SCFD2: variants seen among roughly 807,000 people sequenced by gnomAD.
SCFD2 encodes sec1 family domain-containing protein 2.
SCFD2 carries 54 observed loss-of-function variants against 58.9 expected under a neutral mutation model. That is an observed-to-expected ratio of 0.92 (90% confidence interval 0.74 to 1.15). SCFD2 has a LOEUF of 1.15. Ranked by LOEUF, SCFD2 falls within the 50% of genes most tolerant of loss-of-function variation. SCFD2 has a pLI of 0.00. For synonymous variants in SCFD2, 321 were observed against 335.9 expected (o/e 0.96, Z 0.49); for missense variants, 805 against 836.6 (o/e 0.96, Z 0.47).
chr4:53,201,684 C>G (rs1369301376), intron 4 of SCFD2, among the ~76,000 whole-genome samples: 1 of 152,176 alleles, frequency 6.6e-6, no homozygotes, highest in Non-Finnish European at 1.5e-5. Context: ...TCTCCAGCAC[C>G]TGTTGTTTCC....
intron 5 of SCFD2, among the ~76,000 whole-genome samples, chr4:53,069,806 T>C (rs533313030): frequency 6.6e-6 from 1 of 152,190 alleles, no homozygotes; most frequent in South Asian, 2.1e-4. Flanking sequence ...GTGTGTATTG[T>C]TAGAGATTGT....
At chr4:53,149,209 A>G (rs1027213837) in intron 4 of SCFD2, among the ~76,000 whole-genome samples, 2 of 152,210 alleles carry the variant, frequency 1.3e-5, no homozygotes, top group African/African-American at 4.8e-5. Flanking sequence ...CAATAAAAGG[A>G]AACAGGAATC....
chr4:53,285,955 G>A (rs1005398624), intron 3 of SCFD2, among the ~76,000 whole-genome samples: 5 of 152,030 alleles, frequency 3.3e-5, no homozygotes, highest in Admixed American at 1.3e-4. Context: ...CCACAACCCC[G>A]TGGCCCAAGC....
At position 53,273,970 on chromosome 4, in the gene SCFD2, A is replaced by G. The variant is rs1731255427; in HGVS notation, c.1167T>C (p.Tyr389=). 6.2e-7 allele frequency: 1 copy of G among 1,613,276 alleles called. No homozygotes were observed. Among genetic ancestry groups the G allele is most frequent in the Non-Finnish European group, 8.5e-7 (1 of 1,179,598 alleles). ...GRVTPGQLMS[Y]IQLFKNNLKA... ...TGAGGTTGTTCTTGAAGAGCTGAAT[A>G]TAGGACATGAGCTGTCCCGGTGTGA... is the stretch of plus-strand genomic sequence containing the variant. Residue 389 remains tyrosine, a synonymous_variant, in exon 4 of 9, where the codon TAT becomes TAC. Coordinates refer to ENST00000401642, the MANE Select transcript of SCFD2 (RefSeq NM_152540.4).
At chr4:53,159,044 C>A (rs900752540) in intron 4 of SCFD2, among the ~76,000 whole-genome samples, 1 of 152,160 alleles carries the variant, frequency 6.6e-6, no homozygotes, top group African/African-American at 2.4e-5. Context: ...ATCTAGCTTT[C>A]TTCTAAGACT....
chr4:52,925,695 C>G lies in SCFD2; in HGVS notation c.1562-4825G>C, dbSNP rs950650897. 2.6e-5 allele frequency among the ~76,000 whole-genome samples: 4 copies of G among 152,244 alleles called. No homozygotes were observed. The East Asian group carries it at 5.8e-4, about 22-fold the overall frequency. The stretch of plus-strand genomic sequence containing the variant: ...GTAAGGAAAGTTTAAGTGTCCAATT[C>G]CAGTCAATTCTCATTTAATCCACTT... On this transcript the variant is annotated intron_variant, in intron 5 of 8. Transcript: ENST00000401642.
intron 1 of SCFD2, among the ~76,000 whole-genome samples, chr4:53,363,802 G>A (rs1478236007): frequency 6.8e-6 from 1 of 148,122 alleles, no homozygotes; most frequent in East Asian, 2.0e-4. Flanking sequence ...ACTCCAGCCT[G>A]GGCGACAGAG....
intron 4 of SCFD2, among the ~76,000 whole-genome samples, chr4:53,247,321 C>T (rs1029679414): frequency 9.9e-5 from 15 of 152,092 alleles, no homozygotes; most frequent in Middle Eastern, 3.4e-3. Context: ...AATTCGTTCA[C>T]GCAGTATGGA....
At chr4:53,113,741 T>A (rs1252879386) in intron 5 of SCFD2, among the ~76,000 whole-genome samples, 2 of 152,024 alleles carry the variant, frequency 1.3e-5, no homozygotes, top group Admixed American at 1.3e-4. Context: ...TAATTCTCAG[T>A]AAAAATTGGA....
chr4:53,113,615 T>C (rs1344636060), intron 5 of SCFD2, among the ~76,000 whole-genome samples: 12 of 152,140 alleles, frequency 7.9e-5, no homozygotes, highest in African/African-American at 2.9e-4. Context: ...TTTTCACAAC[T>C]GCAATCACAT....
intron 4 of SCFD2, among the ~76,000 whole-genome samples, chr4:53,195,810 T>C (rs1298124298): frequency 6.6e-6 from 1 of 152,152 alleles, no homozygotes; most frequent in Non-Finnish European, 1.5e-5. Context: ...GAAAAGTACA[T>C]TTCTATGGCA....
At chr4:53,054,289 G>C (rs1406896425) in intron 5 of SCFD2, among the ~76,000 whole-genome samples, 1 of 152,144 alleles carries the variant, frequency 6.6e-6, no homozygotes, top group Non-Finnish European at 1.5e-5. Flanking sequence ...ATTCCCCTGT[G>C]TATTTTTCAT....
chr4:53,263,879 T>A (rs1477033292), intron 4 of SCFD2, among the ~76,000 whole-genome samples: 2 of 152,142 alleles, frequency 1.3e-5, no homozygotes, highest in Non-Finnish European at 2.9e-5. Context: ...ATCCTTTGTC[T>A]TTGGCAACCA....
At chr4:53,096,539 T>C (rs922322919) in intron 5 of SCFD2, among the ~76,000 whole-genome samples, 6 of 152,130 alleles carry the variant, frequency 3.9e-5, no homozygotes, top group East Asian at 3.9e-4. Context: ...TCTGTTCATA[T>C]CCTTTGCCCA....
At chr4:53,356,489 AATCATGGCTCACT>A (rs1734404085) in intron 1 of SCFD2, among the ~76,000 whole-genome samples, 1 of 151,974 alleles carries the variant, frequency 6.6e-6, no homozygotes, top group Admixed American at 6.6e-5. Flanking sequence ...GCAGTGGCTC[AATCATGGCTCACT>A]GCAGCCTAGA....
intron 4 of SCFD2, among the ~76,000 whole-genome samples, chr4:53,251,914 T>C (rs1002754482): frequency 0.01 from 1,558 of 151,624 alleles, 13 homozygotes; most frequent in Non-Finnish European, 0.017. Flanking sequence ...AAATAAAGGG[T>C]ATTCAATTAG....
intron 5 of SCFD2, among the ~76,000 whole-genome samples, chr4:53,131,606 A>C (rs1167018888): frequency 6.6e-6 from 1 of 152,250 alleles, no homozygotes. Context: ...GCAGAGAAAG[A>C]AGAGATCTTA....
chr4:52,884,999 C>T (rs1718700996), intron 8 of SCFD2, among the ~76,000 whole-genome samples: 1 of 152,196 alleles, frequency 6.6e-6, no homozygotes, highest in Non-Finnish European at 1.5e-5. Flanking sequence ...CCTCCCAGAT[C>T]ACCTGATTAG....
intron 3 of SCFD2, among the ~76,000 whole-genome samples, chr4:53,298,230 T>C (rs1201405431): frequency 6.6e-6 from 1 of 151,994 alleles, no homozygotes; most frequent in Non-Finnish European, 1.5e-5. Flanking sequence ...ACCTGGAAAA[T>C]CAGGTCACTC....
Sources: gnomAD v4.1 joint callset for allele counts (sites outside exome capture counted in the v4.1 genomes callset) on GRCh38, gnomAD v4.1.1 for gene constraint, MANE v1.5 for transcripts, NCBI Gene and HGNC (gene_info 2026-07-23, HGNC 2026-07-21) for gene names.